The following FGF12 variants were observed in gnomAD, a reference collection of about 807,000 sequenced individuals.
FGF12 encodes fibroblast growth factor 12B.
Under a neutral mutation model 23.6 loss-of-function variants are expected in FGF12, and 14 were observed. That is an observed-to-expected ratio of 0.59 (90% CI 0.39 to 0.93). FGF12 has a LOEUF of 0.93. Among genes scored for constraint, FGF12 ranks in the 40% least tolerant of loss-of-function variants. FGF12 has a pLI of 0.00. For synonymous variants in FGF12, 62 were observed against 77.3 expected (o/e 0.80, Z 1.04); for missense variants, 175 against 217.8 (o/e 0.80, Z 1.24).
chr3:192,450,531 A>G (rs1722490605), intron 2 of FGF12, among the ~76,000 whole-genome samples: 1 of 152,244 alleles, frequency 6.6e-6, no homozygotes, highest in African/African-American at 2.4e-5. Flanking sequence ...GAAATAAACT[A>G]TACAATTACA....
intron 2 of FGF12, among the ~76,000 whole-genome samples, chr3:192,413,341 A>G (rs1436454308): frequency 6.6e-6 from 1 of 152,096 alleles, no homozygotes; most frequent in Non-Finnish European, 1.5e-5. Context: ...GACATTATGA[A>G]CTTTCTTGGC....
intron 2 of FGF12, among the ~76,000 whole-genome samples, chr3:192,505,281 C>A (rs1320740389): frequency 1.3e-5 from 2 of 152,168 alleles, no homozygotes; most frequent in African/African-American, 4.8e-5. Flanking sequence ...CACAGAAATG[C>A]ACAAAGCTAA....
intron 4 of FGF12, among the ~76,000 whole-genome samples, chr3:192,223,736 G>C (rs1278408005): frequency 6.6e-6 from 1 of 152,060 alleles, no homozygotes; most frequent in African/African-American, 2.4e-5. Flanking sequence ...AGGATAGTCA[G>C]TGCCCTTGGG....
chr3:192,479,173 T>G (rs1461641729), intron 2 of FGF12, among the ~76,000 whole-genome samples: 1 of 152,186 alleles, frequency 6.6e-6, no homozygotes, highest in Non-Finnish European at 1.5e-5. Flanking sequence ...GCCTCCCTCC[T>G]TCTCCTCACC....
At chr3:192,204,533 T>C (rs1717543038) in intron 4 of FGF12, among the ~76,000 whole-genome samples, 1 of 152,186 alleles carries the variant, frequency 6.6e-6, no homozygotes, top group Non-Finnish European at 1.5e-5. Flanking sequence ...TTTAATAACC[T>C]GTGAAGTCAG....
At chr3:192,479,589 C>A (rs1472579232) in intron 2 of FGF12, among the ~76,000 whole-genome samples, 1 of 152,128 alleles carries the variant, frequency 6.6e-6, no homozygotes, top group East Asian at 1.9e-4. Context: ...ATTCCTTACT[C>A]TTGAATGGTA....
intron 2 of FGF12, among the ~76,000 whole-genome samples, chr3:192,645,948 T>G (rs745633523): frequency 6.6e-6 from 1 of 151,772 alleles, no homozygotes; most frequent in East Asian, 1.9e-4. Flanking sequence ...CTAGACTGAG[T>G]TGGGGAGTAG....
intron 2 of FGF12, among the ~76,000 whole-genome samples, chr3:192,598,315 C>T (rs750028459): frequency 1.3e-5 from 2 of 152,146 alleles, no homozygotes; most frequent in East Asian, 1.9e-4. Flanking sequence ...TTTATACTGT[C>T]GAGGGGCTAG....
At chr3:192,655,668 G>A (rs1017654636) in intron 2 of FGF12, among the ~76,000 whole-genome samples, 11 of 152,150 alleles carry the variant, frequency 7.2e-5, no homozygotes, top group Non-Finnish European at 1.6e-4. Flanking sequence ...AGAAAATTTT[G>A]ATTAGGACTA....
At chr3:192,322,694 C>T (rs1476810327) in intron 4 of FGF12, among the ~76,000 whole-genome samples, 2 of 152,026 alleles carry the variant, frequency 1.3e-5, no homozygotes, top group African/African-American at 2.4e-5. Flanking sequence ...GAAATAAATT[C>T]GTACCTCTAC....
At chr3:192,663,462 C>A (rs1419530379) in intron 2 of FGF12, among the ~76,000 whole-genome samples, 1 of 152,096 alleles carries the variant, frequency 6.6e-6, no homozygotes, top group Admixed American at 6.6e-5. Context: ...CATTCACATG[C>A]CACAGAACAG....
intron 2 of FGF12, among the ~76,000 whole-genome samples, chr3:192,626,251 T>C (rs542175437): frequency 6.6e-6 from 1 of 152,352 alleles, no homozygotes; most frequent in East Asian, 1.9e-4. Context: ...ATTTATTTCA[T>C]GGTCTCATCA....
At chr3:192,498,199 A>T (rs1226874763) in intron 2 of FGF12, among the ~76,000 whole-genome samples, 1 of 152,156 alleles carries the variant, frequency 6.6e-6, no homozygotes, top group African/African-American at 2.4e-5. Context: ...TCTTATCTTT[A>T]GCACCTATTT....
At chr3:192,401,137 C>T (rs561032060) in intron 2 of FGF12, among the ~76,000 whole-genome samples, 1 of 152,294 alleles carries the variant, frequency 6.6e-6, no homozygotes, top group African/African-American at 2.4e-5. Flanking sequence ...TAAAACTTAT[C>T]TTTATTTTCC....
At chr3:192,485,894 CTTGT>C (rs1373044830) in intron 2 of FGF12, among the ~76,000 whole-genome samples, 2 of 152,124 alleles carry the variant, frequency 1.3e-5, no homozygotes, top group Non-Finnish European at 2.9e-5. Flanking sequence ...TCTGTATAGA[CTTGT>C]TTATAATTTA....
At chr3:192,289,876 T>C (rs185075773) in intron 4 of FGF12, among the ~76,000 whole-genome samples, 12 of 152,306 alleles carry the variant, frequency 7.9e-5, no homozygotes, top group South Asian at 2.1e-4. Context: ...ATTTATTTTA[T>C]AACACAGCTG....
At chr3:192,647,500 T>C (rs1716047358) in intron 2 of FGF12, among the ~76,000 whole-genome samples, 1 of 151,954 alleles carries the variant, frequency 6.6e-6, no homozygotes, top group Non-Finnish European at 1.5e-5. Flanking sequence ...CTTATCAGGA[T>C]GCTGAATCCT....
intron 5 of FGF12, among the ~76,000 whole-genome samples, chr3:192,150,618 A>G: frequency 6.7e-6 from 1 of 148,410 alleles, no homozygotes; most frequent in Non-Finnish European, 1.5e-5. Context: ...CAAAGATCAG[A>G]TAGTTGTAGG....
chr3:192,336,899 C>T lies in FGF12; in HGVS notation c.125-1435G>A, dbSNP rs1717444835. Among the ~76,000 whole-genome samples, 1 of 152,152 alleles carries T rather than the reference C, an allele frequency of 6.6e-6. No individual in the cohort carries two copies. The highest frequency in any genetic ancestry group is 1.5e-5 in the Non-Finnish European group (1 of 68,020). ...CCACAAGTTTAGTAGAACAGGATTCCATTCTTAGCTGTCGACATCGGATCA... is the reference window on the plus strand; with the variant it reads ...CCACAAGTTTAGTAGAACAGGATTCTATTCTTAGCTGTCGACATCGGATCA... On this transcript the variant is annotated intron_variant, in intron 3 of 5. Transcript: ENST00000445105. This position sits in a 1 kb window ranked among gnomAD's most constrained non-coding sequence, Gnocchi z 4.3.
Sources: allele counts gnomAD v4.1 joint callset (sites outside exome capture counted in the v4.1 genomes callset), GRCh38; gene constraint gnomAD v4.1.1; non-coding constraint Gnocchi (gnomAD v3.1); transcripts MANE v1.5; gene names NCBI Gene and HGNC (gene_info 2026-07-23, HGNC 2026-07-21).